The following ST7 variants were observed in gnomAD, a reference collection of about 807,000 sequenced individuals.
The protein encoded by ST7 is suppression of tumorigenicity 7.
ST7 carries 28 observed loss-of-function variants against 78.7 expected under a neutral mutation model. That is an observed-to-expected ratio of 0.36 (90% CI 0.26 to 0.49). The LOEUF (loss-of-function observed/expected upper bound fraction) is 0.49, where lower values mean the gene tolerates loss of function less well. Ranked by LOEUF, ST7 falls within the 20% of genes least tolerant of loss-of-function variation. The pLI, the probability that ST7 is intolerant of heterozygous loss-of-function variation, is 0.99. For synonymous variants in ST7, 247 were observed against 249.6 expected (o/e 0.99, Z 0.10); for missense variants, 418 against 696.0 (o/e 0.60, Z 4.49).
intron 8 of ST7, 117 bp downstream of exon 8, chr7:117,136,352 T>G (rs1242037760): frequency 1.6e-6 from 2 of 1,256,332 alleles, no homozygotes; most frequent in Non-Finnish European, 2.3e-6. Context: ...AAATATTGGC[T>G]TTTGCTTTGT....
At chr7:117,165,197 G>A (rs1215784492) in intron 9 of ST7, among the ~76,000 whole-genome samples, 1 of 152,156 alleles carries the variant, frequency 6.6e-6, no homozygotes, top group Non-Finnish European at 1.5e-5. Context: ...GGCCTTAAAA[G>A]TTACGCTTAG....
chr7:117,185,797 C>CA (rs775096635), intron 10 of ST7, among the ~76,000 whole-genome samples: 3 of 152,118 alleles, frequency 2.0e-5, no homozygotes, highest in Non-Finnish European at 4.4e-5. Flanking sequence ...GTGGCGCATG[C>CA]CTGTAATCCC....
At chr7:117,073,501 T>C (rs1434507860) in intron 1 of ST7, among the ~76,000 whole-genome samples, 4 of 152,318 alleles carry the variant, frequency 2.6e-5, no homozygotes, top group Middle Eastern at 3.4e-3. Context: ...AATAACTGCC[T>C]AAAGTGGTAA....
At chr7:117,000,920 T>C (rs1794905973) in intron 1 of ST7, among the ~76,000 whole-genome samples, 1 of 152,234 alleles carries the variant, frequency 6.6e-6, no homozygotes, top group South Asian at 2.1e-4. Context: ...TTATTTCTTC[T>C]CTGAAAAACC....
intron 12 of ST7, among the ~76,000 whole-genome samples, chr7:117,208,902 G>GGGGTGTGT (rs1358721785): frequency 1.4e-5 from 2 of 139,800 alleles, no homozygotes; most frequent in African/African-American, 5.4e-5. Flanking sequence ...TGTATGTGTG[G>GGGGTGTGT]GTGTGTGTGT....
At chr7:117,075,434 G>A (rs939482264) in intron 1 of ST7, among the ~76,000 whole-genome samples, 7 of 152,140 alleles carry the variant, frequency 4.6e-5, no homozygotes, top group South Asian at 2.1e-4. Flanking sequence ...GTGGCTACAC[G>A]TTTCTTTGCT....
intron 1 of ST7, among the ~76,000 whole-genome samples, chr7:117,095,895 C>T (rs576072576): frequency 6.6e-6 from 1 of 151,568 alleles, no homozygotes; most frequent in South Asian, 2.1e-4. Context: ...TGGTGAACCC[C>T]CGTCTCTACT....
intron 1 of ST7, among the ~76,000 whole-genome samples, chr7:116,979,941 C>CTTTTTCTTT (rs1793873241): frequency 1.0e-5 from 1 of 98,126 alleles, no homozygotes; most frequent in African/African-American, 3.7e-5. Context: ...TTCCTTTTTT[C>CTTTTTCTTT]TTTTTCTTTT....
At chr7:117,137,770 CA>C (rs1465970075) in intron 8 of ST7, among the ~76,000 whole-genome samples, 1 of 152,092 alleles carries the variant, frequency 6.6e-6, no homozygotes, top group African/African-American at 2.4e-5. Context: ...ACATATCCAA[CA>C]AGACATATAA....
intron 1 of ST7, among the ~76,000 whole-genome samples, chr7:117,031,972 C>T (rs1796623557): frequency 6.7e-6 from 1 of 149,982 alleles, no homozygotes; most frequent in African/African-American, 2.5e-5. Context: ...ACTTCTGCTT[C>T]CCAGGTTCAA....
At chr7:117,218,550 C>T (rs1249987074) in intron 13 of ST7, among the ~76,000 whole-genome samples, 1 of 152,148 alleles carries the variant, frequency 6.6e-6, no homozygotes, top group Admixed American at 6.5e-5. Flanking sequence ...AGTTTAGAAA[C>T]ACCTCCCGAG....
intron 6 of ST7, 35 bp downstream of exon 6, chr7:117,131,995 A>T: frequency 6.3e-7 from 1 of 1,575,908 alleles, no homozygotes; most frequent in Non-Finnish European, 8.7e-7. Context: ...TAAAAAGGAA[A>T]TCTCATCCTT....
At chr7:117,066,744 G>A (rs1399116175) in intron 1 of ST7, among the ~76,000 whole-genome samples, 1 of 129,890 alleles carries the variant, frequency 7.7e-6, no homozygotes, top group African/African-American at 2.9e-5. Flanking sequence ...CTGGGCAACA[G>A]AGTGAGACTG....
intron 1 of ST7, among the ~76,000 whole-genome samples, chr7:117,090,552 T>G (rs1800534719): frequency 6.6e-6 from 1 of 152,182 alleles, no homozygotes; most frequent in Non-Finnish European, 1.5e-5. Flanking sequence ...TAGCAAAGTT[T>G]CTATTTCTCT....
chr7:117,190,413 G>A lies in ST7; in HGVS notation c.1152-421G>A, dbSNP rs746702043. The A allele has an allele frequency of 1.8e-5, 3 of 168,540 alleles. No individual in the cohort carries two copies. Among genetic ancestry groups the A allele is most frequent in the Admixed American group, 6.0e-5 (1 of 16,704 alleles). 10.4% of individuals were successfully genotyped at this position (168,540 alleles called of 1,614,324 possible). On this transcript the variant is annotated intron_variant, in intron 11 of 15. Transcript: ENST00000323984. The surrounding 1 kb of genome is among the most constrained non-coding windows in gnomAD (Gnocchi z 5.2). ...AAGCTGCAACGATTTAACCTCCATCGCAGCACTGACATTGGGTGGGAGGCC... is the reference window on the plus strand; with the variant it reads ...AAGCTGCAACGATTTAACCTCCATCACAGCACTGACATTGGGTGGGAGGCC...
At chr7:117,212,368 C>G (rs1253472819) in intron 13 of ST7, among the ~76,000 whole-genome samples, 2 of 152,146 alleles carry the variant, frequency 1.3e-5, no homozygotes, top group Non-Finnish European at 2.9e-5. Context: ...CCCAAGGTCA[C>G]TTTTCCTTCA....
At chr7:116,974,818 G>A (rs568424607) in intron 1 of ST7, among the ~76,000 whole-genome samples, 1 of 152,068 alleles carries the variant, frequency 6.6e-6, no homozygotes, top group East Asian at 1.9e-4. Context: ...TTTCTAAATA[G>A]GGCCAGGACT....
At chr7:117,092,678 C>T (rs1024011867) in intron 1 of ST7, among the ~76,000 whole-genome samples, 6 of 152,234 alleles carry the variant, frequency 3.9e-5, no homozygotes, top group African/African-American at 7.2e-5. Flanking sequence ...TAAACTATTC[C>T]GGTGTGTTCC....
At chr7:117,001,386 T>G (rs1794926609) in intron 1 of ST7, among the ~76,000 whole-genome samples, 1 of 152,222 alleles carries the variant, frequency 6.6e-6, no homozygotes, top group African/African-American at 2.4e-5. Flanking sequence ...GTGGTTTTCC[T>G]GCTGTTTTCT....
Sources: gnomAD v4.1 joint callset for allele counts (sites outside exome capture counted in the v4.1 genomes callset) on GRCh38, gnomAD v4.1.1 for gene constraint, Gnocchi (gnomAD v3.1) non-coding constraint, MANE v1.5 for transcripts, NCBI Gene and HGNC (gene_info 2026-07-23, HGNC 2026-07-21) for gene names.